The following ABHD1 variants were observed in gnomAD, a reference collection of about 807,000 sequenced individuals.
The protein encoded by ABHD1 is protein ABHD1.
A neutral mutation model predicts 41.4 loss-of-function variants in ABHD1; 47 were observed. The observed-to-expected ratio is 1.13, with a 90% CI of 0.90 to 1.45. ABHD1 has a LOEUF of 1.45. Ranked by LOEUF, ABHD1 falls within the 40% of genes most tolerant of loss-of-function variation. The probability of loss-of-function intolerance (pLI) is 0.00; values close to 1 mark genes in which losing one functional copy is unlikely to be tolerated. For synonymous variants in ABHD1, 205 were observed against 203.7 expected, an observed-to-expected ratio of 1.01 and a Z score of -0.05; for missense variants, 550 against 503.4, an observed-to-expected ratio of 1.09 and a Z score of -0.89.
chr2:27,127,446 T>C (rs1198835245), intron 1 of ABHD1, among the ~76,000 whole-genome samples: 2 of 134,310 alleles, frequency 1.5e-5, no homozygotes, highest in Non-Finnish European at 3.1e-5. Flanking sequence ...CCCAGCTACT[T>C]GGGAGGCTGA....
intron 1 of ABHD1, chr2:27,126,813 C>T (rs1671974545): frequency 6.6e-6 from 1 of 152,164 alleles, no homozygotes; most frequent in Non-Finnish European, 1.5e-5. Context: ...TAGAAAGAAG[C>T]CCCTTAGGCC....
chr2:27,129,833 G>A lies in ABHD1; in HGVS notation c.697G>A (p.Asp233Asn). Residue 233 changes from aspartate to asparagine, a missense_variant, in exon 6 of 9, where the codon GAT (aspartate) becomes AAT (asparagine). Asp to Asn is a conservative substitution (Grantham distance 23). Coordinates refer to ENST00000316470, the MANE Select transcript of ABHD1 (RefSeq NM_032604.4). ...AGCACTGACTCTGTCTGCATGCTGG[G>A]ATTCCTTTGAGACCACTCGCTCCCT... is the stretch of plus-strand genomic sequence containing the variant. ...VAALTLSACW[D>N]SFETTRSLET... The A allele has an allele frequency of 2.5e-6, 4 of 1,614,214 alleles. No homozygotes were observed. Among genetic ancestry groups the A allele is most frequent in the South Asian group, 1.1e-5 (1 of 91,088 alleles).
At chr2:27,127,913 C>T (rs1394015814) in intron 1 of ABHD1, among the ~76,000 whole-genome samples, 4 of 152,116 alleles carry the variant, frequency 2.6e-5, no homozygotes, top group Non-Finnish European at 5.9e-5. Flanking sequence ...TGCTGCATTT[C>T]TTCAGCCCCT....
At chr2:27,128,891 G>T in intron 2 of ABHD1, 54 bp from the exon 3 acceptor site, 2 of 1,568,862 alleles carry the variant, frequency 1.3e-6, no homozygotes, top group South Asian at 2.4e-5. Context: ...CAAAGCTTTT[G>T]AATTACATTA....
At chr2:27,124,452 C>T (rs1484760584) in intron 1 of ABHD1, 3 of 360,900 alleles carry the variant, frequency 8.3e-6, no homozygotes, top group Non-Finnish European at 1.6e-5. Flanking sequence ...ACCACCCACC[C>T]CCCAAATAGC....
intron 1 of ABHD1, 149 bp downstream of exon 1, chr2:27,124,211 C>T (rs1572913511): frequency 1.3e-6 from 1 of 748,848 alleles, no homozygotes; most frequent in Non-Finnish European, 2.4e-6. Flanking sequence ...GGCTCTGCCT[C>T]TCTAGTGCCT....
In ABHD1 at chr2:27,129,115, G is replaced by C; in HGVS notation, c.446G>C (p.Arg149Thr). Residue 149 changes from arginine (R) to threonine (T), a missense_variant, in exon 3 of 9, where the codon AGG becomes ACG. Arg to Thr is a moderately conservative substitution (Grantham distance 71). Transcript: ENST00000316470. ...YVLHLVNQALRDGYQAVVFNN... is the reference protein window; with the variant it reads ...YVLHLVNQALTDGYQAVVFNN... ...TTGCACCTAGTTAACCAAGCTCTGA[G>C]GGATGGCTACCAGTAAGGATGGGTG... is the stretch of plus-strand genomic sequence containing the variant. The C allele has an allele frequency of 6.2e-7, 1 of 1,612,990 alleles. No individual in the cohort carries two copies. The highest frequency in any genetic ancestry group is 1.3e-5 in the African/African-American group (1 of 75,058).
intron 1 of ABHD1, chr2:27,125,482 AGGAG>A (rs2148408849): frequency 6.6e-6 from 1 of 152,368 alleles, no homozygotes; most frequent in South Asian, 2.1e-4. Context: ...ATTCATTCTC[AGGAG>A]GGAGTCAAGA....
chr2:27,128,622 G>A (rs995673736), intron 2 of ABHD1, 21 bp downstream of exon 2: 2 of 1,609,794 alleles, frequency 1.2e-6, no homozygotes, highest in Admixed American at 3.3e-5. Flanking sequence ...ACAGAACAGG[G>A]TGAACATGAA....
chr2:27,128,844 G>A (rs1360121082), intron 2 of ABHD1, 101 bp from the exon 3 acceptor site: 3 of 1,384,062 alleles, frequency 2.2e-6, no homozygotes, highest in Non-Finnish European at 2.0e-6. Flanking sequence ...GATGCTGACG[G>A]GAAGTGATAA....
At chr2:27,128,347 C>T in intron 1 of ABHD1, 94 bp from the exon 2 acceptor site, 1 of 1,533,334 alleles carries the variant, frequency 6.5e-7, no homozygotes. Flanking sequence ...AGGCTGGGCT[C>T]TGGAGAGGGG....
At chr2:27,125,241 A>G (rs964824719) in intron 1 of ABHD1, 1 of 152,252 alleles carries the variant, frequency 6.6e-6, no homozygotes, top group Admixed American at 6.5e-5. Context: ...AGGTCACTTC[A>G]GAACAAAACT....
In ABHD1 at chr2:27,128,953, T is replaced by C. The variant is rs542005563; in HGVS notation, c.284T>C (p.Leu95Pro). The C allele has an allele frequency of 1.2e-6, 2 of 1,612,928 alleles. No homozygotes were observed. The highest frequency in any genetic ancestry group is 2.2e-5 in the South Asian group (2 of 90,912). The change falls in exon 3 of 9, where the codon CTC becomes CCC. Residue 95 changes from leucine to proline, a missense_variant. Coordinates refer to ENST00000316470, the MANE Select transcript of ABHD1 (RefSeq NM_032604.4). ...QPLVLYQSDI[L>P]QTPDGGQLLL... ...TCTTCCTCCAAAACCAGTGACATCC[T>C]CCAAACACCAGATGGAGGCCAGCTC...
chr2:27,129,952 G>T (rs372211196), intron 6 of ABHD1, 25 bp downstream of exon 6: 1 of 1,613,574 alleles, frequency 6.2e-7, no homozygotes, highest in African/African-American at 1.3e-5. Context: ...AGTGGGAGGA[G>T]GCAGTAGACA....
chr2:27,126,728 C>T, intron 1 of ABHD1: 1 of 152,152 alleles, frequency 6.6e-6, no homozygotes, highest in East Asian at 1.9e-4. Flanking sequence ...AATCGATTCA[C>T]ATTAGGGCTG....
intron 2 of ABHD1, 46 bp from the exon 3 acceptor site, chr2:27,128,899 T>A (rs553251103): frequency 6.3e-7 from 1 of 1,582,232 alleles, no homozygotes; most frequent in African/African-American, 1.3e-5. Flanking sequence ...TTGAATTACA[T>A]TAAGTTCTTA....
At chr2:27,124,369 G>A (rs1671868754) in intron 1 of ABHD1, 2 of 433,882 alleles carry the variant, frequency 4.6e-6, no homozygotes. Flanking sequence ...TCCTTTTTAG[G>A]TGGTTTAGCT....
Position 27,130,756 on chromosome 2 carries a change from T to C in ABHD1, c.*12T>C, listed in dbSNP as rs1373921042. ...ACAGAAACAGCTGACAAGAGTACCA[T>C]TTGGGGTCTCAGTTCACTCTTTCCT... is the stretch of plus-strand genomic sequence containing the variant. On this transcript the variant is annotated 3_prime_UTR_variant, in exon 9 of 9. Coordinates refer to ENST00000316470, the MANE Select transcript of ABHD1 (RefSeq NM_032604.4). The C allele has an allele frequency of 7.4e-6, 12 of 1,611,580 alleles. No homozygotes were observed. Among genetic ancestry groups the C allele is most frequent in the Middle Eastern group, 1.7e-4 (1 of 6,044 alleles).
chr2:27,128,388 A>G (rs770142104), intron 1 of ABHD1, 53 bp from the exon 2 acceptor site: 1 of 1,610,796 alleles, frequency 6.2e-7, no homozygotes. Flanking sequence ...TGGGTGCCTC[A>G]CTAGCTTGGT....
Sources: gnomAD v4.1 joint callset for allele counts (sites outside exome capture counted in the v4.1 genomes callset) on GRCh38, gnomAD v4.1.1 for gene constraint, MANE v1.5 for transcripts, NCBI Gene and HGNC (gene_info 2026-07-23, HGNC 2026-07-21) for gene names.